The following GON4L variants were observed in gnomAD, a reference collection of about 807,000 sequenced individuals.
The protein encoded by GON4L is GON-4-like protein.
In GON4L, 87 loss-of-function variants were observed where a neutral mutation model predicts 211.8. That is an observed-to-expected ratio of 0.41 (90% CI 0.35 to 0.49). The LOEUF is 0.49. Ranked by LOEUF, GON4L falls within the 20% of genes least tolerant of loss-of-function variation. The pLI is 0.15. For synonymous variants in GON4L, 875 were observed against 962.6 expected, an observed-to-expected ratio of 0.91 and a Z score of 1.68; for missense variants, 2,155 against 2,659.5, an observed-to-expected ratio of 0.81 and a Z score of 4.17.
intron 12 of GON4L, among the ~76,000 whole-genome samples, chr1:155,788,070 C>A (rs71517798): frequency 6.6e-6 from 1 of 152,200 alleles, no homozygotes; most frequent in African/African-American, 2.4e-5. Context: ...CAGCTCACTG[C>A]AACCTCCACC....
At chr1:155,852,320 G>T (rs1671870224) in intron 2 of GON4L, among the ~76,000 whole-genome samples, 1 of 152,062 alleles carries the variant, frequency 6.6e-6, no homozygotes. Flanking sequence ...AAATTGGAAG[G>T]GTCATTCATC....
chr1:155,859,098 T>C (rs1311508591), upstream of GON4L, among the ~76,000 whole-genome samples: 1 of 151,860 alleles, frequency 6.6e-6, no homozygotes. Flanking sequence ...CACTGTGAAA[T>C]ATAAGCCAAA....
chr1:155,762,241 A>T lies in GON4L; in HGVS notation c.4860T>A (p.Asp1620Glu), dbSNP rs1661887889. The T allele has an allele frequency of 6.2e-7, 1 of 1,611,900 alleles. No homozygotes were observed. Among genetic ancestry groups the T allele is most frequent in the Non-Finnish European group, 8.5e-7 (1 of 1,179,058 alleles). ...LLYDEDILER[D>E]PLREQKDLAF... ...CCAAGTCCTTCTGCTCCCTGAGTGG[A>T]TCTCGCTCGAGAATGTCCTCATCAT... Residue 1620 changes from aspartate (D) to glutamate (E), a missense_variant, in exon 23 of 32, where the codon GAT becomes GAA. Around this residue, in one of 6 missense-constraint regions of GON4L, gnomAD observed 455 missense variants for 504.6 expected, o/e 0.90. Transcript: ENST00000368331.
At chr1:155,829,435 G>T (rs1190878017) in intron 2 of GON4L, among the ~76,000 whole-genome samples, 2 of 151,928 alleles carry the variant, frequency 1.3e-5, no homozygotes, top group African/African-American at 4.8e-5. Context: ...GTAAAACCTC[G>T]TCTCTACTAA....
intron 10 of GON4L, among the ~76,000 whole-genome samples, chr1:155,811,158 C>T (rs753832476): frequency 1.9e-4 from 29 of 151,710 alleles, no homozygotes; most frequent in Non-Finnish European, 3.1e-4. Flanking sequence ...TTTGGGAGGC[C>T]GAGGCAAGTG....
intron 8 of GON4L, 71 bp downstream of exon 8, chr1:155,815,734 G>A: frequency 2.3e-6 from 2 of 877,078 alleles, no homozygotes; most frequent in Non-Finnish European, 3.9e-6. Flanking sequence ...CTCTCTACAA[G>A]TGACATTACT....
chr1:155,786,960 C>T (rs1278839298), intron 12 of GON4L, among the ~76,000 whole-genome samples: 2 of 150,412 alleles, frequency 1.3e-5, no homozygotes, highest in South Asian at 2.1e-4. Context: ...CTTGCTCTGT[C>T]GCCCAGGCTG....
At chr1:155,784,535 G>A (rs1393809327) in intron 13 of GON4L, 2 of 183,648 alleles carry the variant, frequency 1.1e-5, no homozygotes, top group East Asian at 1.5e-4. Context: ...ACAGGTGCCC[G>A]CCACCATGCC....
At position 155,757,325 on chromosome 1, in the gene GON4L, T is replaced by C. The variant is rs1365315705; in HGVS notation, c.5254-2A>G. The C allele has an allele frequency of 6.2e-7, 1 of 1,613,254 alleles. No individual in the cohort carries two copies. Among genetic ancestry groups the C allele is most frequent in the Non-Finnish European group, 8.5e-7 (1 of 1,179,662 alleles). The stretch of plus-strand genomic sequence containing the variant: ...GAGCTGCCACATCTGTGTCTTGAGC[T>C]GAGGAGAGTCACAGAGGGAAAGAGG... On this transcript the variant is annotated splice_acceptor_variant, in intron 25 of 31. Coordinates refer to ENST00000368331, the MANE Select transcript of GON4L (RefSeq NM_001282860.2). LOFTEE classifies it high-confidence loss of function.
chr1:155,845,025 C>T (rs1210248322), intron 2 of GON4L, among the ~76,000 whole-genome samples: 1 of 152,136 alleles, frequency 6.6e-6, no homozygotes, highest in Non-Finnish European at 1.5e-5. Flanking sequence ...GGGCCAATGC[C>T]CATAAAATCA....
upstream of GON4L, among the ~76,000 whole-genome samples, chr1:155,858,958 G>C (rs1672483691): frequency 6.6e-6 from 1 of 151,998 alleles, no homozygotes; most frequent in Non-Finnish European, 1.5e-5. Flanking sequence ...GCCTCCCAAA[G>C]GTTTGGGATT....
chr1:155,776,561 T>C (rs1236002983), intron 15 of GON4L, 80 bp from the exon 16 acceptor site: 18 of 882,944 alleles, frequency 2.0e-5, no homozygotes, highest in Middle Eastern at 6.5e-4. Context: ...TTTTTTTTTT[T>C]CTTCTTGGAG....
chr1:155,768,309 C>CAAAAA (rs71080724), intron 19 of GON4L, among the ~76,000 whole-genome samples: 1 of 112,658 alleles, frequency 8.9e-6, no homozygotes, highest in Non-Finnish European at 1.8e-5. Flanking sequence ...GACTCCGTCT[C>CAAAAA]AAAAAAAAAA....
In GON4L at chr1:155,775,140, C is replaced by A. The variant is rs367979838; in HGVS notation, c.2212G>T (p.Ala738Ser). 1 of 1,614,046 alleles carries A rather than the reference C, an allele frequency of 6.2e-7. No individual in the cohort carries two copies. The highest frequency in any genetic ancestry group is 2.2e-5 in the East Asian group (1 of 44,878). ...TTGGGGTTGTACTGATGGTGAAGGG[C>A]GATGGAGCTTTGAGCAAAGGTTCCC... ...ELGTFAQSSI[A>S]LHHQYNPKFQ... is the part of the protein sequence containing the mutation. The change falls in exon 17 of 32, where the codon GCC becomes TCC. Residue 738 changes from alanine (A) to serine (S), a missense_variant. By Grantham distance (99) the Ala-to-Ser change is moderately conservative (BLOSUM62 1). Coordinates refer to ENST00000368331, the MANE Select transcript of GON4L (RefSeq NM_001282860.2).
chr1:155,797,011 G>T (rs564453921), intron 11 of GON4L, among the ~76,000 whole-genome samples: 14 of 152,056 alleles, frequency 9.2e-5, no homozygotes, highest in Non-Finnish European at 2.1e-4. Context: ...AAAAATTCTT[G>T]TTTGAGATAA....
chr1:155,807,256 T>A (rs550509766), intron 10 of GON4L, among the ~76,000 whole-genome samples: 19 of 152,062 alleles, frequency 1.2e-4, no homozygotes, highest in African/African-American at 4.3e-4. Context: ...AAAAGTTAGA[T>A]GGGAGTGGTG....
Position 155,766,679 on chromosome 1 carries a change from G to C in GON4L, c.2794C>G (p.Arg932Gly), listed in dbSNP as rs200387034. 1 of 1,614,018 alleles carries C rather than the reference G, an allele frequency of 6.2e-7. No individual in the cohort carries two copies. The highest frequency in any genetic ancestry group is 1.3e-5 in the African/African-American group (1 of 74,906). The change falls in exon 21 of 32, where the codon CGG (arginine) becomes GGG (glycine). Residue 932 changes from arginine (R) to glycine (G), a missense_variant. By Grantham distance (125) the Arg-to-Gly change is moderately radical. Around this residue, in one of 6 missense-constraint regions of GON4L, gnomAD observed 551 missense variants for 854.0 expected, o/e 0.65. Transcript: ENST00000368331. ...ASLPSIQEEL[R>G]HMADGAREVG... ...TCTCTAGCACCATCAGCCATGTGCC[G>C]CAGTTCTTCCTGGATGGATGGCAGA... is the stretch of plus-strand genomic sequence containing the variant.
At chr1:155,793,295 A>C (rs1036986942) in intron 12 of GON4L, among the ~76,000 whole-genome samples, 1 of 152,206 alleles carries the variant, frequency 6.6e-6, no homozygotes, top group Non-Finnish European at 1.5e-5. Flanking sequence ...CTAATCTTAA[A>C]AGCAAGGTGA....
At position 155,765,514 on chromosome 1, in the gene GON4L, T is replaced by C; in HGVS notation, c.3959A>G (p.Asp1320Gly). ...QESLNNPTPG[D>G]LEEIVKMEPE... ...TTCCATCTTGACAATTTCCTCTAAATCCCCAGGGGTAGGGTTGTTTAGAGA... is the reference window on the plus strand; with the variant it reads ...TTCCATCTTGACAATTTCCTCTAAACCCCCAGGGGTAGGGTTGTTTAGAGA... The change falls in exon 21 of 32, where the codon GAT (aspartate) becomes GGT (glycine). Residue 1320 changes from aspartate (D) to glycine (G), a missense_variant. Asp to Gly is a moderately conservative substitution (Grantham distance 94, BLOSUM62 -1). This residue lies in a region of GON4L where 615 missense variants were observed against 625.7 expected (regional missense o/e 0.98). Transcript: ENST00000368331. 1 of 1,614,048 alleles carries C rather than the reference T, an allele frequency of 6.2e-7. No homozygotes were observed.
Sources: allele counts gnomAD v4.1 joint callset (sites outside exome capture counted in the v4.1 genomes callset), GRCh38; gene constraint gnomAD v4.1.1; regional missense constraint gnomAD v4.1.1; transcripts MANE v1.5; gene names NCBI Gene and HGNC (gene_info 2026-07-23, HGNC 2026-07-21).